FBXO34: variants seen among roughly 807,000 people sequenced by gnomAD.
The protein encoded by FBXO34 is F-box protein 34.
In FBXO34, 12 loss-of-function variants were observed where a neutral mutation model predicts 24.5. That is an observed-to-expected ratio of 0.49 (90% CI 0.31 to 0.79). FBXO34 has a LOEUF of 0.79. Ranked by LOEUF, FBXO34 falls within the 30% of genes least tolerant of loss-of-function variation. The pLI, the probability that FBXO34 is intolerant of heterozygous loss-of-function variation, is 0.04. For synonymous variants in FBXO34, 320 were observed against 311.9 expected, an observed-to-expected ratio of 1.03 and a Z score of -0.27; for missense variants, 823 against 857.7, an observed-to-expected ratio of 0.96 and a Z score of 0.51.
intron 1 of FBXO34, chr14:55,282,194 C>A (rs944870078): frequency 5.1e-6 from 1 of 195,960 alleles, no homozygotes; most frequent in Non-Finnish European, 1.1e-5. Context: ...AGGGTTTCTC[C>A]ATGTTGGCCA....
At chr14:55,366,069 C>G (rs1354437184), downstream of FBXO34, among the ~76,000 whole-genome samples, 3 of 152,172 alleles carry the variant, frequency 2.0e-5, no homozygotes. Context: ...ACGTGGGCAT[C>G]CTAGAGGCCT....
chr14:55,316,724 C>CAAA (rs61450097), intron 1 of FBXO34, among the ~76,000 whole-genome samples: 1 of 127,310 alleles, frequency 7.9e-6, no homozygotes, highest in Non-Finnish European at 1.7e-5. Context: ...AGGAACATCT[C>CAAA]AAAAAAAAAA....
At chr14:55,277,809 C>T (rs1291161838) in intron 1 of FBXO34, among the ~76,000 whole-genome samples, 1 of 152,184 alleles carries the variant, frequency 6.6e-6, no homozygotes, top group Non-Finnish European at 1.5e-5. Context: ...TGTTGGGTTT[C>T]TGACTACTAG....
intron 1 of FBXO34, among the ~76,000 whole-genome samples, chr14:55,296,788 A>G (rs376544560): frequency 2.0e-5 from 3 of 152,158 alleles, no homozygotes; most frequent in African/African-American, 7.2e-5. Flanking sequence ...ATAGAAAGCA[A>G]TTTTTAATTT....
At chr14:55,333,622 T>C (rs1003614516) in intron 1 of FBXO34, among the ~76,000 whole-genome samples, 4 of 152,150 alleles carry the variant, frequency 2.6e-5, no homozygotes, top group African/African-American at 4.8e-5. Flanking sequence ...ACCTTAAAGA[T>C]AGAAGTATTT....
At chr14:55,312,374 A>G (rs563151636) in intron 1 of FBXO34, among the ~76,000 whole-genome samples, 24 of 152,126 alleles carry the variant, frequency 1.6e-4, no homozygotes, top group African/African-American at 4.3e-4. Flanking sequence ...TTGAGTATCT[A>G]TGGCTTTTCT....
the FBXO34 span, chr14:55,413,640 T>G: frequency 2.4e-6 from 1 of 414,052 alleles, no homozygotes; most frequent in African/African-American, 2.1e-5. Flanking sequence ...TGGAGCAGGC[T>G]GGCGCTTCAG....
the FBXO34 span, among the ~76,000 whole-genome samples, chr14:55,385,287 T>C: frequency 3.3e-5 from 5 of 152,078 alleles, no homozygotes; most frequent in African/African-American, 7.2e-5. Flanking sequence ...GATGGTTCTC[T>C]GGTTTTTTTT....
chr14:55,280,529 T>TTTTTTC (rs1881500130), intron 1 of FBXO34, among the ~76,000 whole-genome samples: 1 of 133,862 alleles, frequency 7.5e-6, no homozygotes, highest in Non-Finnish European at 1.6e-5. Flanking sequence ...ATCAGGAACT[T>TTTTTTC]TTTTTTTTTT....
chr14:55,281,782 T>C (rs1334861736), intron 1 of FBXO34, among the ~76,000 whole-genome samples: 1 of 152,206 alleles, frequency 6.6e-6, no homozygotes, highest in Non-Finnish European at 1.5e-5. Context: ...TGTATACTGT[T>C]GCTTGTTGCT....
the FBXO34 span, among the ~76,000 whole-genome samples, chr14:55,391,470 A>AT: frequency 2.1e-5 from 3 of 139,584 alleles, no homozygotes; most frequent in Non-Finnish European, 3.0e-5. Flanking sequence ...GTGAGACTCC[A>AT]TAAAAAAAAA....
intron 1 of FBXO34, among the ~76,000 whole-genome samples, chr14:55,278,404 T>C (rs1881416031): frequency 1.3e-5 from 2 of 152,314 alleles, no homozygotes; most frequent in Non-Finnish European, 2.9e-5. Context: ...TTAATGCAGA[T>C]GTAACAGAAA....
intron 1 of FBXO34, among the ~76,000 whole-genome samples, chr14:55,332,212 C>G (rs1883619185): frequency 2.6e-5 from 4 of 151,530 alleles, no homozygotes; most frequent in Admixed American, 2.6e-4. Flanking sequence ...TTCATTAAAT[C>G]AGGTTTGCTA....
chr14:55,340,969 A>C (rs1426549558), intron 1 of FBXO34, among the ~76,000 whole-genome samples: 1 of 152,230 alleles, frequency 6.6e-6, no homozygotes, highest in Non-Finnish European at 1.5e-5. Flanking sequence ...TGCCTTAAAA[A>C]TATTTTTAAA....
At chr14:55,300,430 C>CA (rs1193065718) in intron 1 of FBXO34, among the ~76,000 whole-genome samples, 1 of 151,916 alleles carries the variant, frequency 6.6e-6, no homozygotes, top group Non-Finnish European at 1.5e-5. Flanking sequence ...GTCTCTAGTA[C>CA]AAAAAAATAC....
chr14:55,279,841 A>G (rs1418570702), intron 1 of FBXO34, among the ~76,000 whole-genome samples: 1 of 152,254 alleles, frequency 6.6e-6, no homozygotes, highest in Non-Finnish European at 1.5e-5. Context: ...AGTGGATGGC[A>G]GGATCTGGAA....
intron 1 of FBXO34, among the ~76,000 whole-genome samples, chr14:55,305,113 A>G (rs1056803371): frequency 3.9e-5 from 6 of 152,174 alleles, no homozygotes; most frequent in Non-Finnish European, 8.8e-5. Context: ...GAAAAAGACT[A>G]TTTCAAAAAT....
At position 55,350,512 on chromosome 14, in the gene FBXO34, G is replaced by C; in HGVS notation, c.122G>C (p.Ser41Thr). 6.2e-7 allele frequency: 1 copy of C among 1,613,902 alleles called. No individual in the cohort carries two copies. The highest frequency in any genetic ancestry group is 8.5e-7 in the Non-Finnish European group (1 of 1,179,982). The change falls in exon 2 of 2, where the codon AGC becomes ACC. Residue 41 changes from serine (S) to threonine (T), a missense_variant. Transcript: ENST00000313833. Reference protein sequence around the residue: ...KAVNDETCKASHITSSVFPSA... With the variant: ...KAVNDETCKATHITSSVFPSA... Reference sequence around the variant, plus strand: ...GTAAATGATGAAACATGCAAAGCTAGCCACATAACATCAAGTGTCTTTCCT... The same window carrying C: ...GTAAATGATGAAACATGCAAAGCTACCCACATAACATCAAGTGTCTTTCCT...
the FBXO34 span, among the ~76,000 whole-genome samples, chr14:55,385,377 C>T: frequency 1.3e-5 from 2 of 152,304 alleles, no homozygotes; most frequent in East Asian, 1.9e-4. Context: ...ACTGCGACCT[C>T]GGCCTCCTGG....
Sources: gnomAD v4.1 joint callset for allele counts (sites outside exome capture counted in the v4.1 genomes callset) on GRCh38, gnomAD v4.1.1 for gene constraint, MANE v1.5 for transcripts, NCBI Gene and HGNC (gene_info 2026-07-23, HGNC 2026-07-21) for gene names.